Variants in DGKH observed in about 807,000 individuals in gnomAD.
DGKH encodes the protein DAG kinase eta.
Under a neutral mutation model 159.3 loss-of-function variants are expected in DGKH, and 90 were observed. That is an observed-to-expected ratio of 0.57 (90% CI 0.48 to 0.67). The LOEUF (loss-of-function observed/expected upper bound fraction) is 0.67. Ranked by LOEUF, DGKH falls within the 30% of genes least tolerant of loss-of-function variation. DGKH has a pLI of 0.00. For synonymous variants in DGKH, 536 were observed against 553.8 expected (o/e 0.97, Z 0.45); for missense variants, 1,181 against 1,506.1 (o/e 0.78, Z 3.57).
Position 42,206,162 on chromosome 13 carries a change from A to G in DGKH, c.2601+16A>G, listed in dbSNP as rs1412033707. 1.5e-6 allele frequency: 2 copies of G among 1,366,104 alleles called. No individual in the cohort carries two copies. Among genetic ancestry groups the G allele is most frequent in the South Asian group, 2.0e-5 (1 of 50,458 alleles). The allele number at this position is 1,366,104 out of a possible 1,614,324, so 84.6% of individuals were successfully genotyped here. On this transcript the variant is annotated intron_variant, in intron 21 of 29. Coordinates refer to ENST00000337343, the MANE Select transcript of DGKH (RefSeq NM_178009.5). ...AGAGGATGATGTAAGTAATGGGAGTAAATAGTTTGTTTCCTCAAAAATAAT... is the reference window on the plus strand; with the variant it reads ...AGAGGATGATGTAAGTAATGGGAGTGAATAGTTTGTTTCCTCAAAAATAAT...
At chr13:42,146,050 G>T (rs1161147290) in intron 3 of DGKH, among the ~76,000 whole-genome samples, 1 of 151,748 alleles carries the variant, frequency 6.6e-6, no homozygotes, top group Non-Finnish European at 1.5e-5. Flanking sequence ...TATTAGAGCT[G>T]CCCCATTTGT....
intron 20 of DGKH, among the ~76,000 whole-genome samples, chr13:42,204,845 C>A (rs886922723): frequency 2.0e-4 from 31 of 152,124 alleles, no homozygotes; most frequent in Admixed American, 1.0e-3. Context: ...CCTTTTCCTT[C>A]CATCTTTGCT....
At chr13:42,182,756 A>C (rs1956804922) in intron 13 of DGKH, among the ~76,000 whole-genome samples, 1 of 152,150 alleles carries the variant, frequency 6.6e-6, no homozygotes, top group African/African-American at 2.4e-5. Context: ...GCTTGTGTGC[A>C]CGTGTGCATG....
chr13:42,208,075 T>G (rs1957551657), intron 21 of DGKH, among the ~76,000 whole-genome samples: 1 of 152,130 alleles, frequency 6.6e-6, no homozygotes, highest in Non-Finnish European at 1.5e-5. Flanking sequence ...TCCACGTTGT[T>G]TATTTGATTT....
At chr13:42,138,486 AT>A (rs1329283858) in intron 3 of DGKH, among the ~76,000 whole-genome samples, 19 of 152,308 alleles carry the variant, frequency 1.2e-4, no homozygotes, top group Admixed American at 3.9e-4. Context: ...AAGCTAATAA[AT>A]ATTTGTTGAA....
At chr13:42,246,799 G>A (rs1484890795), downstream of DGKH, among the ~76,000 whole-genome samples, 1 of 152,188 alleles carries the variant, frequency 6.6e-6, no homozygotes, top group South Asian at 2.1e-4. Flanking sequence ...GGCCACAAAT[G>A]AAAGTGATCT....
At chr13:42,101,063 C>G (rs1222153813) in intron 1 of DGKH, among the ~76,000 whole-genome samples, 2 of 152,208 alleles carry the variant, frequency 1.3e-5, no homozygotes, top group Non-Finnish European at 2.9e-5. Context: ...CTTATCCATC[C>G]AGCACTGGCT....
chr13:42,080,337 T>C (rs1387679272), intron 1 of DGKH, among the ~76,000 whole-genome samples: 2 of 152,214 alleles, frequency 1.3e-5, no homozygotes, highest in Non-Finnish European at 2.9e-5. Context: ...TCGTACCATA[T>C]AGGTGGATGA....
chr13:42,208,874 ATG>A (rs1487356164), intron 21 of DGKH, 83 bp from the exon 22 acceptor site: 2 of 372,428 alleles, frequency 5.4e-6, no homozygotes, highest in Non-Finnish European at 8.8e-6. Flanking sequence ...TATTAAATAT[ATG>A]TAGATATATA....
intron 20 of DGKH, 78 bp from the exon 21 acceptor site, chr13:42,205,961 T>G (rs1957458506): frequency 2.6e-6 from 2 of 779,236 alleles, no homozygotes; most frequent in East Asian, 6.2e-5. Flanking sequence ...TCATCTTTAG[T>G]GTTTTAGTAT....
intron 1 of DGKH, among the ~76,000 whole-genome samples, chr13:42,092,854 G>A (rs147245317): frequency 1.3e-5 from 2 of 152,170 alleles, no homozygotes; most frequent in East Asian, 1.9e-4. Flanking sequence ...AACAGCATGT[G>A]TACACCCAAA....
At chr13:42,153,583 T>G (rs915473155) in intron 3 of DGKH, among the ~76,000 whole-genome samples, 1 of 152,194 alleles carries the variant, frequency 6.6e-6, no homozygotes, top group East Asian at 1.9e-4. Context: ...ACTTGGAGAC[T>G]CTGAAATGCT....
In DGKH at chr13:42,098,893, T is replaced by C. The variant is rs925392575; in HGVS notation, c.193-28570T>C. ...AATATGAAAGGACACATTCCGGAAG[T>C]ACACTGGAGTGCATAAGGAGTTACC... On this transcript the variant is annotated intron_variant, in intron 1 of 29. Transcript: ENST00000337343. 3.9e-5 allele frequency among the ~76,000 whole-genome samples: 6 copies of C among 152,212 alleles called. No individual in the cohort carries two copies. In the South Asian group the frequency reaches 6.2e-4, roughly 16 times the overall value.
chr13:42,245,305 A>T (rs1958572196), downstream of DGKH, among the ~76,000 whole-genome samples: 1 of 152,182 alleles, frequency 6.6e-6, no homozygotes, highest in Non-Finnish European at 1.5e-5. Flanking sequence ...CCATGAGGGA[A>T]AGGATTTTTT....
intron 21 of DGKH, among the ~76,000 whole-genome samples, chr13:42,206,975 T>TTCTTTCTTTC (rs1555275939): frequency 2.4e-5 from 2 of 82,310 alleles, no homozygotes; most frequent in African/African-American, 1.0e-4. Flanking sequence ...TACTTTTACT[T>TTCTTTCTTTC]TTTCTTTCTT....
At chr13:42,060,916 G>C (rs1882106117) in intron 1 of DGKH, among the ~76,000 whole-genome samples, 1 of 152,170 alleles carries the variant, frequency 6.6e-6, no homozygotes, top group Non-Finnish European at 1.5e-5. Flanking sequence ...TGTTTTTGAA[G>C]TGGCTATGTT....
At chr13:42,207,516 G>A (rs999213213) in intron 21 of DGKH, among the ~76,000 whole-genome samples, 1 of 151,544 alleles carries the variant, frequency 6.6e-6, no homozygotes. Context: ...TTCTAAACTT[G>A]TGTGTGTATA....
intron 20 of DGKH, 108 bp downstream of exon 20, chr13:42,200,017 T>A: frequency 1.1e-6 from 1 of 878,498 alleles, no homozygotes; most frequent in Non-Finnish European, 1.7e-6. Flanking sequence ...TAAATAAATA[T>A]TCAAGGGGAA....
At chr13:42,066,844 A>G (rs1298516064) in intron 1 of DGKH, 1 of 152,148 alleles carries the variant, frequency 6.6e-6, no homozygotes, top group East Asian at 1.9e-4. Flanking sequence ...TTATTGAAAA[A>G]ATATGTGTAT....
Sources: allele counts gnomAD v4.1 joint callset (sites outside exome capture counted in the v4.1 genomes callset), GRCh38; gene constraint gnomAD v4.1.1; transcripts MANE v1.5; gene names NCBI Gene and HGNC (gene_info 2026-07-23, HGNC 2026-07-21).